The following ITGA11 variants were observed in gnomAD, a reference collection of about 807,000 sequenced individuals.
ITGA11 encodes integrin alpha-11.
Under a neutral mutation model 141.9 loss-of-function variants are expected in ITGA11, and 97 were observed. The ratio of observed to expected loss-of-function variants is 0.68; its 90% confidence interval spans 0.58 to 0.81. The LOEUF (loss-of-function observed/expected upper bound fraction) is 0.81. ITGA11 is among the 30% of genes least tolerant of loss of function. The pLI is 0.00. For synonymous variants in ITGA11, 658 were observed against 624.6 expected (o/e 1.05, Z -0.80); for missense variants, 1,387 against 1,559.2 (o/e 0.89, Z 1.86).
At chr15:68,407,048 A>C (rs1896665998) in intron 1 of ITGA11, among the ~76,000 whole-genome samples, 1 of 152,112 alleles carries the variant, frequency 6.6e-6, no homozygotes, top group African/African-American at 2.4e-5. Flanking sequence ...TTTTCATAAG[A>C]AGGACTCACT....
At chr15:68,351,789 T>G (rs1427193974) in intron 7 of ITGA11, among the ~76,000 whole-genome samples, 1 of 151,912 alleles carries the variant, frequency 6.6e-6, no homozygotes, top group African/African-American at 2.4e-5. Context: ...GAGGGAGGCT[T>G]TAAAAACTGT....
At chr15:68,393,948 G>A (rs1318380505) in intron 2 of ITGA11, among the ~76,000 whole-genome samples, 8 of 152,136 alleles carry the variant, frequency 5.3e-5, no homozygotes, top group African/African-American at 1.4e-4. Flanking sequence ...TCAAACTGTC[G>A]TAAAGTTATT....
chr15:68,342,997 T>TTCTCTCTCTCTCTCTCTCTC (rs6145615), intron 10 of ITGA11, among the ~76,000 whole-genome samples: 67 of 144,034 alleles, frequency 4.7e-4, no homozygotes, highest in Non-Finnish European at 6.6e-4. Flanking sequence ...GGGCAAGTTC[T>TTCTCTCTCTCTCTCTCTCTC]TCTCTCTCTC....
rs1176913287 is a variant in ITGA11 at position 68,351,406 on chromosome 15, G to A, written c.750-4C>T. 1 of 1,613,422 alleles carries A rather than the reference G, an allele frequency of 6.2e-7. No individual in the cohort carries two copies. Among genetic ancestry groups the A allele is most frequent in the African/African-American group, 1.3e-5 (1 of 74,888 alleles). On this transcript the variant is annotated splice_region_variant and splice_polypyrimidine_tract_variant and intron_variant, in intron 7 of 29. Transcript: ENST00000315757. ...ACCCTTCTGGAAAGCCTCTGAGCTGGAAGCCAAGCACAGGGGCAGGGTCAT... is the reference window on the plus strand; with the variant it reads ...ACCCTTCTGGAAAGCCTCTGAGCTGAAAGCCAAGCACAGGGGCAGGGTCAT...
rs2140259371 is a variant in ITGA11 at position 68,303,793 on chromosome 15, C to CA, written c.3473dup (p.Leu1159AlafsTer12). ...TCACCTTCCACAGTGCCAGGACCAG[C>CA]AGGGCCAGCAGTAGGAGGCCCCCCA... On this transcript the variant is annotated frameshift_variant, in exon 29 of 30. Transcript: ENST00000315757. LOFTEE classifies it high-confidence loss of function. This position sits in a 1 kb window ranked among gnomAD's most constrained non-coding sequence, Gnocchi z 5.3. The CA allele has an allele frequency of 6.2e-7, 1 of 1,611,486 alleles. No individual in the cohort carries two copies. Among genetic ancestry groups the CA allele is most frequent in the East Asian group, 2.2e-5 (1 of 44,760 alleles).
chr15:68,322,168 A>G lies in ITGA11; in HGVS notation c.2323-665T>C, dbSNP rs1893834493. On this transcript the variant is annotated intron_variant, in intron 18 of 29. Transcript: ENST00000315757. The surrounding 1 kb of genome is among the most constrained non-coding windows in gnomAD (Gnocchi z 5.6). ...ATAGGTGGGTCAGTGTTGCTGTGGT[A>G]AGAGACACAGGGGTGGGAGAGAGGA... Among the ~76,000 whole-genome samples, 1 of 152,152 alleles carries G rather than the reference A, an allele frequency of 6.6e-6. No homozygotes were observed. Among genetic ancestry groups the G allele is most frequent in the Non-Finnish European group, 1.5e-5 (1 of 68,020 alleles).
chr15:68,403,620 CTT>C, intron 1 of ITGA11, among the ~76,000 whole-genome samples: 1 of 151,596 alleles, frequency 6.6e-6, no homozygotes, highest in African/African-American at 2.4e-5. Flanking sequence ...TCTTTTCTTT[CTT>C]TCTTTCTTTC....
At chr15:68,310,932 A>C in intron 26 of ITGA11, 62 bp downstream of exon 26, 5 of 1,300,420 alleles carry the variant, frequency 3.8e-6, no homozygotes, top group Non-Finnish European at 5.4e-6. Context: ...AATGGCCCGC[A>C]GAGCACCGGC....
At chr15:68,397,563 AATATTTAAAATATT>A (rs1896338471) in intron 2 of ITGA11, among the ~76,000 whole-genome samples, 2 of 8,962 alleles carry the variant, frequency 2.2e-4, no homozygotes, top group African/African-American at 4.6e-4. Context: ...AATATTATAA[AATATTTAAAATATT>A]ATATTTAAAA....
chr15:68,418,834 GT>G (rs1566944578), intron 1 of ITGA11, among the ~76,000 whole-genome samples: 2 of 151,548 alleles, frequency 1.3e-5, no homozygotes, highest in African/African-American at 4.8e-5. Context: ...CTTGTCATGG[GT>G]GTGTGGATCA....
intron 3 of ITGA11, among the ~76,000 whole-genome samples, chr15:68,365,794 G>T (rs1895404272): frequency 6.6e-6 from 1 of 151,692 alleles, no homozygotes. Flanking sequence ...AGAGTGGAGT[G>T]GCACCATCGT....
At chr15:68,332,766 A>T (rs182026668) in intron 12 of ITGA11, among the ~76,000 whole-genome samples, 101 of 152,256 alleles carry the variant, frequency 6.6e-4, no homozygotes, top group Middle Eastern at 3.4e-3. Flanking sequence ...TCTTGTGTGT[A>T]AAGTGATATA....
At chr15:68,309,188 A>C (rs1893298634) in intron 26 of ITGA11, among the ~76,000 whole-genome samples, 1 of 152,260 alleles carries the variant, frequency 6.6e-6, no homozygotes, top group South Asian at 2.1e-4. Flanking sequence ...TGGTCCAGTC[A>C]AAGCAAACAC....
chr15:68,414,655 CAG>C (rs1896847342), intron 1 of ITGA11, among the ~76,000 whole-genome samples: 1 of 152,218 alleles, frequency 6.6e-6, no homozygotes. Flanking sequence ...CATCTCCCCT[CAG>C]AGGGGAGGAG....
At chr15:68,416,979 T>C (rs367712729) in intron 1 of ITGA11, among the ~76,000 whole-genome samples, 71 of 152,294 alleles carry the variant, frequency 4.7e-4, no homozygotes, top group African/African-American at 1.6e-3. Flanking sequence ...CCATCTTACA[T>C]CATTTATCAT....
At position 68,320,347 on chromosome 15, in the gene ITGA11, G is replaced by T; in HGVS notation, c.2454C>A (p.Ser818=). The T allele has an allele frequency of 6.2e-7, 1 of 1,611,008 alleles. No homozygotes were observed. Among genetic ancestry groups the T allele is most frequent in the East Asian group, 2.2e-5 (1 of 44,772 alleles). The change falls in exon 20 of 30, where the codon TCC becomes TCA. Residue 818 remains serine (S), a synonymous_variant. Transcript: ENST00000315757. The part of the protein sequence containing the change: ...RVLRKPAQDC[S]AYTLSFDTTV... ...TGGTGTCGAAGGACAGCGTGTATGC[G>T]GAGCAGTCCTGCGCAGGCTTCCTCA...
Position 68,407,964 on chromosome 15 carries a change from G to C in ITGA11, c.53-4935C>G, listed in dbSNP as rs77020234. ...GTTCGCTCCAGCTTAAGGAGCGTCT[G>C]CTGTGCTGTTCCATTTCCCTGCCTC... On this transcript the variant is annotated intron_variant, in intron 1 of 29. Coordinates refer to ENST00000315757, the MANE Select transcript of ITGA11 (RefSeq NM_001004439.2). Among the ~76,000 whole-genome samples the C allele has an allele frequency of 6.2e-3, 939 of 152,354 alleles. 10 individuals carry two copies. Among genetic ancestry groups the C allele is most frequent in the African/African-American group, 0.022 (906 of 41,580 alleles).
At position 68,365,180 on chromosome 15, in the gene ITGA11, C is replaced by T. The variant is rs114125042; in HGVS notation, c.266-382G>A. 5.6e-3 allele frequency: 5,494 copies of T among 985,416 alleles called. 238 individuals carry two copies. In the African/African-American group the frequency reaches 0.089, roughly 16 times the overall value. The allele number at this position is 985,416 out of a possible 1,614,324, so 61.0% of individuals were successfully genotyped here. On this transcript the variant is annotated intron_variant, in intron 3 of 29. Transcript: ENST00000315757. ...CTTCCTTTGTGCAGTATCCCCGCTA[C>T]GCTTTCTTCCAAGTTGACCCCCATC...
chr15:68,401,439 C>G (rs1344930152), intron 2 of ITGA11, among the ~76,000 whole-genome samples: 1 of 152,084 alleles, frequency 6.6e-6, no homozygotes, highest in Admixed American at 6.5e-5. Context: ...TGAAATAGCC[C>G]AAAATGGAAA....
Sources: gnomAD v4.1 joint callset for allele counts (sites outside exome capture counted in the v4.1 genomes callset) on GRCh38, gnomAD v4.1.1 for gene constraint, Gnocchi (gnomAD v3.1) non-coding constraint, MANE v1.5 for transcripts, NCBI Gene and HGNC (gene_info 2026-07-23, HGNC 2026-07-21) for gene names.